The following ASH2L variants were observed in gnomAD, a reference collection of about 807,000 sequenced individuals.
ASH2L encodes set1/Ash2 histone methyltransferase complex subunit ASH2.
In ASH2L, 30 loss-of-function variants were observed where a neutral mutation model predicts 81.1. The ratio of observed to expected loss-of-function variants is 0.37; its 90% confidence interval spans 0.28 to 0.50. The LOEUF is 0.50. Among genes scored for constraint, ASH2L ranks in the 20% least tolerant of loss-of-function variants. The pLI is 0.95. For synonymous variants in ASH2L, 273 were observed against 279.9 expected, an observed-to-expected ratio of 0.98 and a Z score of 0.24; for missense variants, 559 against 792.1, an observed-to-expected ratio of 0.71 and a Z score of 3.53.
chr8:38,120,618 T>TTCCCCCCCCCCC (rs1563255027), intron 9 of ASH2L, among the ~76,000 whole-genome samples: 1 of 4,582 alleles, frequency 2.2e-4, no homozygotes, highest in Non-Finnish European at 1.7e-3. Context: ...TCTCCTCCCT[T>TTCCCCCCCCCCC]CCCCCCCCCC....
chr8:38,131,074 G>C (rs977389829), intron 12 of ASH2L, among the ~76,000 whole-genome samples: 2 of 152,228 alleles, frequency 1.3e-5, no homozygotes, highest in East Asian at 3.9e-4. Context: ...CTTTATGCAT[G>C]TATCACAGTG....
At position 38,106,553 on chromosome 8, in the gene ASH2L, G is replaced by A. The variant is rs1274230234; in HGVS notation, c.255+109G>A. On this transcript the variant is annotated intron_variant, in intron 2 of 15. Transcript: ENST00000343823. ...GACGGAGCCTTGCTCTGTCGCCCAG[G>A]CTGGAATGCAGTGGCGCGATCTCGG... The A allele has an allele frequency of 9.3e-6, 9 of 964,672 alleles. No individual in the cohort carries two copies. The African/African-American group carries it at 1.5e-4, about 16-fold the overall frequency. 59.8% of individuals were successfully genotyped at this position (964,672 alleles called of 1,614,324 possible).
rs1313128402 is a variant in ASH2L at position 38,128,812 on chromosome 8, A to G, written c.1388A>G (p.Lys463Arg). ...YDKFSYSWRS[K>R]KGTKFHQSIG... ...AAATTTAGCTATTCTTGGCGGAGCA[A>G]AAAGGGAACCAAGTTCCACCAGTCC... The change falls in exon 12 of 16, where the codon AAA becomes AGA. Residue 463 changes from lysine (K) to arginine (R), a missense_variant. Physicochemically the swap from Lys to Arg is conservative, Grantham distance 26 (BLOSUM62 2). Coordinates refer to ENST00000343823, the MANE Select transcript of ASH2L (RefSeq NM_004674.5). 1.2e-6 allele frequency: 2 copies of G among 1,614,046 alleles called. No individual in the cohort carries two copies. The highest frequency in any genetic ancestry group is 1.7e-5 in the Admixed American group (1 of 59,982).
intron 10 of ASH2L, among the ~76,000 whole-genome samples, chr8:38,126,209 A>C (rs922190385): frequency 1.3e-5 from 2 of 152,048 alleles, no homozygotes; most frequent in African/African-American, 4.8e-5. Flanking sequence ...TCTCCAAAAA[A>C]AAAAAACAAA....
At chr8:38,129,283 T>A (rs1485879033) in intron 12 of ASH2L, among the ~76,000 whole-genome samples, 1 of 152,170 alleles carries the variant, frequency 6.6e-6, no homozygotes, top group East Asian at 1.9e-4. Context: ...TAAAATGAAG[T>A]ACACAAATTT....
In ASH2L at chr8:38,105,554, G is replaced by A. The variant is rs185569279; in HGVS notation, c.4G>A (p.Ala2Thr). The change falls in exon 1 of 16, where the codon GCG becomes ACG. Residue 2 changes from alanine to threonine, a missense_variant. Ala to Thr is a moderately conservative substitution (Grantham distance 58). Transcript: ENST00000343823. Reference protein sequence around the residue: MAAAGAGPGQEA... With the variant: MTAAGAGPGQEA... ...GAGAAGTCCAGGGGTGGCCGTGATG[G>A]CGGCGGCAGGAGCAGGACCTGGCCA... The A allele has an allele frequency of 1.9e-6, 3 of 1,565,416 alleles. No individual in the cohort carries two copies. Among genetic ancestry groups the A allele is most frequent in the African/African-American group, 1.4e-5 (1 of 73,176 alleles).
chr8:38,106,494 TTTC>T (rs761472959), intron 2 of ASH2L, 50 bp downstream of exon 2: 292 of 1,456,218 alleles, frequency 2.0e-4, no homozygotes, highest in South Asian at 7.5e-4. Flanking sequence ...GTTTTAGTTA[TTTC>T]TTCTTCTTCT....
intron 14 of ASH2L, among the ~76,000 whole-genome samples, chr8:38,136,878 G>T (rs1195286976): frequency 4.0e-5 from 6 of 151,460 alleles, no homozygotes. Context: ...GACCATTTGA[G>T]GTCAGGAGTT....
intron 9 of ASH2L, among the ~76,000 whole-genome samples, chr8:38,120,028 G>A (rs1811071637): frequency 6.6e-6 from 1 of 152,186 alleles, no homozygotes; most frequent in South Asian, 2.1e-4. Flanking sequence ...GGGAGGCTGA[G>A]GTGGGAGAAT....
chr8:38,116,084 C>A (rs1563252861), intron 7 of ASH2L, among the ~76,000 whole-genome samples: 1 of 151,646 alleles, frequency 6.6e-6, no homozygotes, highest in Non-Finnish European at 1.5e-5. Context: ...AAAATTAGGC[C>A]AGGCATGGTG....
At chr8:38,124,935 G>A (rs1801773418) in intron 10 of ASH2L, among the ~76,000 whole-genome samples, 1 of 152,208 alleles carries the variant, frequency 6.6e-6, no homozygotes. Context: ...CATGGTAGAA[G>A]GCAAAGCGGA....
chr8:38,126,954 T>C (rs1358775203), intron 10 of ASH2L, among the ~76,000 whole-genome samples: 4 of 151,862 alleles, frequency 2.6e-5, no homozygotes, highest in Non-Finnish European at 5.9e-5. Flanking sequence ...GGAGAGCAGA[T>C]TGCTTGAGTT....
At chr8:38,130,288 G>GTTT (rs562730116) in intron 12 of ASH2L, among the ~76,000 whole-genome samples, 2 of 53,754 alleles carry the variant, frequency 3.7e-5, no homozygotes, top group African/African-American at 1.4e-4. Context: ...GGTATTTTTT[G>GTTT]TTTTTTTTTT....
intron 12 of ASH2L, among the ~76,000 whole-genome samples, chr8:38,130,383 G>C (rs1052019223): frequency 1.3e-5 from 2 of 149,510 alleles, no homozygotes. Flanking sequence ...TAGGATTACA[G>C]GCATGAGTCA....
intron 14 of ASH2L, chr8:38,138,523 G>C (rs1441438451): frequency 3.0e-6 from 1 of 332,084 alleles, no homozygotes; most frequent in African/African-American, 2.2e-5. Flanking sequence ...GCAGTTTCTT[G>C]CATGACTCAG....
chr8:38,119,028 G>A (rs1811025825), intron 8 of ASH2L: 2 of 391,886 alleles, frequency 5.1e-6, no homozygotes, highest in Non-Finnish European at 9.2e-6. Flanking sequence ...GTTGAAAACT[G>A]TAACCCAACC....
Position 38,128,451 on chromosome 8 carries a change from G to A in ASH2L, c.1326G>A (p.Gln442=), listed in dbSNP as rs1406307300. 1 of 1,613,554 alleles carries A rather than the reference G, an allele frequency of 6.2e-7. No homozygotes were observed. Among genetic ancestry groups the A allele is most frequent in the East Asian group, 2.2e-5 (1 of 44,884 alleles). The part of the protein sequence containing the change: ...PDTAARLGWS[Q]PLGNLQAPLG... ...CCGCTGCCAGACTGGGTTGGTCCCA[G>A]CCCCTAGGTAAGCTGGGGCCTTAAT... is the stretch of plus-strand genomic sequence containing the variant. Residue 442 remains glutamine, a synonymous_variant, in exon 11 of 16, where the codon CAG becomes CAA. Coordinates refer to ENST00000343823, the MANE Select transcript of ASH2L (RefSeq NM_004674.5).
intron 9 of ASH2L, 114 bp from the exon 10 acceptor site, chr8:38,120,818 T>C: frequency 1.3e-6 from 1 of 797,738 alleles, no homozygotes; most frequent in Non-Finnish European, 2.0e-6. Context: ...AAGTATTTGC[T>C]GTGAAGTTGC....
At chr8:38,108,515 G>GT (rs1810545709) in intron 3 of ASH2L, among the ~76,000 whole-genome samples, 1 of 49,892 alleles carries the variant, frequency 2.0e-5, no homozygotes, top group Non-Finnish European at 4.0e-5. Flanking sequence ...GTGGTATCAA[G>GT]TTAAAAAAAA....
Sources: gnomAD v4.1 joint callset for allele counts (sites outside exome capture counted in the v4.1 genomes callset) on GRCh38, gnomAD v4.1.1 for gene constraint, MANE v1.5 for transcripts, NCBI Gene and HGNC (gene_info 2026-07-23, HGNC 2026-07-21) for gene names.